The following DRAM1 variants were observed in gnomAD, a reference collection of about 807,000 sequenced individuals.
DRAM1 encodes the protein DNA damage-regulated autophagy modulator protein 1.
A neutral mutation model predicts 28.5 loss-of-function variants in DRAM1; 25 were observed. The ratio of observed to expected loss-of-function variants is 0.88; its 90% CI spans 0.64 to 1.23. The LOEUF is 1.23. DRAM1 is among the 50% of genes most tolerant of loss of function. The pLI is 0.00. For synonymous variants in DRAM1, 113 were observed against 114.2 expected (o/e 0.99, Z 0.07); for missense variants, 249 against 299.2 (o/e 0.83, Z 1.24).
At chr12:101,892,402 ATT>A (rs748326902) in intron 1 of DRAM1, among the ~76,000 whole-genome samples, 3 of 82,720 alleles carry the variant, frequency 3.6e-5, no homozygotes, top group South Asian at 4.3e-4. Flanking sequence ...TGCCAGGCTA[ATT>A]TTTTTTTTTT....
intron 1 of DRAM1, among the ~76,000 whole-genome samples, chr12:101,887,488 G>A (rs543780679): frequency 9.8e-4 from 149 of 151,300 alleles, no homozygotes; most frequent in Non-Finnish European, 1.7e-3. Context: ...AAAATAAAAT[G>A]TTTGTGGTAT....
At chr12:101,919,888 G>A in intron 5 of DRAM1, 1 of 371,802 alleles carries the variant, frequency 2.7e-6, no homozygotes, top group Non-Finnish European at 4.8e-6. Flanking sequence ...ACAAGAGTTT[G>A]TGCGAGCCAG....
At chr12:101,908,415 A>C (rs954381883) in intron 4 of DRAM1, 52 bp downstream of exon 4, 2 of 1,548,566 alleles carry the variant, frequency 1.3e-6, no homozygotes, top group Admixed American at 3.8e-5. Flanking sequence ...ATTCAGTGAC[A>C]CTTGTTAAAG....
At chr12:101,905,185 C>T (rs1873756405) in intron 3 of DRAM1, among the ~76,000 whole-genome samples, 3 of 152,226 alleles carry the variant, frequency 2.0e-5, no homozygotes, top group African/African-American at 7.2e-5. Context: ...CAAACACAAG[C>T]CACCATACCC....
rs1449272402 is a variant in DRAM1, at chr12:101,907,197, C to CT, written c.343-988dup. The stretch of plus-strand genomic sequence containing the variant: ...CCTAAGCGACGGAGTGAGACCCTGT[C>CT]TCAAAAAAAAAAAAAAAAAAAGAAG... On this transcript the variant is annotated intron_variant, in intron 3 of 6. Transcript: ENST00000258534. 9.2e-4 allele frequency among the ~76,000 whole-genome samples: 35 copies of CT among 37,952 alleles called. 1 individual carries two copies. Among genetic ancestry groups the CT allele is most frequent in the Middle Eastern group, 0.018 (1 of 56 alleles). 24.9% of individuals were successfully genotyped at this position (37,952 alleles called of 152,430 possible).
intron 2 of DRAM1, 48 bp downstream of exon 2, chr12:101,897,978 A>C (rs113688851): frequency 1.7e-5 from 19 of 1,135,462 alleles, no homozygotes; most frequent in Middle Eastern, 4.1e-4. Context: ...TCACAATTCC[A>C]AGTGAAGTTG....
intron 1 of DRAM1, among the ~76,000 whole-genome samples, chr12:101,891,446 C>A (rs1873123536): frequency 6.6e-6 from 1 of 152,198 alleles, no homozygotes; most frequent in African/African-American, 2.4e-5. Context: ...AGAAAGTCTT[C>A]TATTATCCAG....
chr12:101,908,222 CT>C lies in DRAM1; in HGVS notation c.383del (p.Leu128TrpfsTer47). ...AVPVVHDGGA[L>X]LAFVCGVVYT... is the part of the protein sequence containing the mutation. ...GCCAGTGGTTCATGACGGGGGCGCT[CT>C]TTTGGCCTTTGTCTGTGGTGTCGTG... On this transcript the variant is annotated frameshift_variant, in exon 4 of 7. Transcript: ENST00000258534. LOFTEE classifies it high-confidence loss of function. 6.2e-7 allele frequency: 1 copy of C among 1,613,122 alleles called. No individual in the cohort carries two copies. The highest frequency in any genetic ancestry group is 8.5e-7 in the Non-Finnish European group (1 of 1,179,758).
chr12:101,879,934 T>G (rs1471838877), intron 1 of DRAM1, among the ~76,000 whole-genome samples: 9 of 149,636 alleles, frequency 6.0e-5, no homozygotes, highest in African/African-American at 2.0e-4. Flanking sequence ...GAGGTTGCAG[T>G]GAGCCGAGAC....
At chr12:101,905,044 G>A (rs1873751822) in intron 3 of DRAM1, among the ~76,000 whole-genome samples, 2 of 152,148 alleles carry the variant, frequency 1.3e-5, no homozygotes, top group South Asian at 4.2e-4. Flanking sequence ...GACTATGGGT[G>A]CATCACCATG....
At chr12:101,878,885 T>C (rs1244988657) in intron 1 of DRAM1, among the ~76,000 whole-genome samples, 1 of 151,946 alleles carries the variant, frequency 6.6e-6, no homozygotes, top group Non-Finnish European at 1.5e-5. Flanking sequence ...AGCAATGTTC[T>C]GTGTTTTTTT....
intron 5 of DRAM1, among the ~76,000 whole-genome samples, chr12:101,919,424 T>G (rs1350014221): frequency 6.6e-6 from 1 of 152,148 alleles, no homozygotes; most frequent in Admixed American, 6.5e-5. Context: ...TCAGTTTTAT[T>G]TATTATTGTT....
intron 3 of DRAM1, among the ~76,000 whole-genome samples, chr12:101,907,948 G>GT (rs138808422): frequency 0.013 from 1,907 of 152,210 alleles, 39 homozygotes; most frequent in African/African-American, 0.044. Context: ...CCTCCCACCT[G>GT]TAAGGCAGAC....
intron 2 of DRAM1, among the ~76,000 whole-genome samples, chr12:101,899,683 A>C (rs1438660328): frequency 3.9e-5 from 2 of 50,786 alleles, no homozygotes; most frequent in African/African-American, 1.8e-4. Flanking sequence ...TGTCTCCACA[A>C]AAAAAAAAAA....
Position 101,877,899 on chromosome 12 carries a change from A to G in DRAM1, c.110A>G (p.Asn37Ser), listed in dbSNP as rs774126957. ...GTCGCCGTGCTCTCCGGGCACGTCAACCCCTTCCTCCCGTATATCAGGTGA... is the reference window on the plus strand; with the variant it reads ...GTCGCCGTGCTCTCCGGGCACGTCAGCCCCTTCCTCCCGTATATCAGGTGA... ...YVVAVLSGHV[N>S]PFLPYISDTG... The change falls in exon 1 of 7, where the codon AAC becomes AGC. Residue 37 changes from asparagine to serine, a missense_variant. Coordinates refer to ENST00000258534, the MANE Select transcript of DRAM1 (RefSeq NM_018370.3). This position sits in a 1 kb window ranked among gnomAD's most constrained non-coding sequence, Gnocchi z 4.1. The G allele has an allele frequency of 3.8e-5, 59 of 1,539,042 alleles. No homozygotes were observed. The highest frequency in any genetic ancestry group is 5.0e-5 in the East Asian group (2 of 40,360).
intron 1 of DRAM1, among the ~76,000 whole-genome samples, chr12:101,884,997 A>C (rs1352412073): frequency 6.7e-6 from 1 of 148,328 alleles, no homozygotes; most frequent in African/African-American, 2.5e-5. Context: ...GCAATGGCGC[A>C]ATCTTGGCCC....
At chr12:101,915,793 C>G (rs76424612) in intron 5 of DRAM1, among the ~76,000 whole-genome samples, 10,658 of 152,084 alleles carry the variant, frequency 0.07, 1,227 homozygotes, top group African/African-American at 0.24. Flanking sequence ...ATCTCTGCAC[C>G]TCGTGATCTG....
intron 5 of DRAM1, among the ~76,000 whole-genome samples, chr12:101,916,755 T>C (rs1209382499): frequency 1.3e-5 from 2 of 152,210 alleles, no homozygotes; most frequent in Non-Finnish European, 2.9e-5. Context: ...TTGTGCTGTA[T>C]GGTAGACCTC....
At chr12:101,914,317 C>A in intron 5 of DRAM1, 85 bp downstream of exon 5, 1 of 957,498 alleles carries the variant, frequency 1.0e-6, no homozygotes, top group Non-Finnish European at 1.6e-6. Context: ...AGATCACTGC[C>A]GTTCCTTAGA....
Sources: gnomAD v4.1 joint callset for allele counts (sites outside exome capture counted in the v4.1 genomes callset) on GRCh38, gnomAD v4.1.1 for gene constraint, Gnocchi (gnomAD v3.1) non-coding constraint, MANE v1.5 for transcripts, NCBI Gene and HGNC (gene_info 2026-07-23, HGNC 2026-07-21) for gene names.